Variants in KSR2 observed in about 807,000 individuals in gnomAD.
KSR2 encodes the protein kinase suppressor of ras 2.
A neutral mutation model predicts 107.8 loss-of-function variants in KSR2; 25 were observed. The observed-to-expected ratio is 0.23, with a 90% CI of 0.17 to 0.32. The LOEUF (loss-of-function observed/expected upper bound fraction) is 0.32, where lower values mean the gene tolerates loss of function less well. Among genes scored for constraint, KSR2 ranks in the 10% least tolerant of loss-of-function variants. KSR2 has a pLI of 1.00. For synonymous variants in KSR2, 480 were observed against 507.0 expected, an observed-to-expected ratio of 0.95 and a Z score of 0.71; for missense variants, 887 against 1,268.9, an observed-to-expected ratio of 0.70 and a Z score of 4.57.
chr12:117,769,461 TC>T (rs1185258772), intron 3 of KSR2, among the ~76,000 whole-genome samples: 1 of 152,206 alleles, frequency 6.6e-6, no homozygotes, highest in Non-Finnish European at 1.5e-5. Context: ...GAGTTAATTC[TC>T]CTAAGTCAAC....
intron 4 of KSR2, among the ~76,000 whole-genome samples, chr12:117,704,386 T>C (rs180954138): frequency 1.3e-5 from 2 of 152,270 alleles, no homozygotes; most frequent in African/African-American, 4.8e-5. Flanking sequence ...AGCTTACTTC[T>C]ACAGTCTCTT....
intron 14 of KSR2, among the ~76,000 whole-genome samples, chr12:117,495,982 A>C (rs1038816040): frequency 2.7e-5 from 4 of 150,824 alleles, no homozygotes; most frequent in African/African-American, 9.8e-5. Context: ...TGAACCTGGA[A>C]GGCAGAGGTT....
intron 3 of KSR2, among the ~76,000 whole-genome samples, chr12:117,809,790 A>C (rs777320454): frequency 1.3e-5 from 2 of 152,218 alleles, no homozygotes; most frequent in South Asian, 4.1e-4. Context: ...GCAGGAGCTG[A>C]AAAATAAATA....
intron 1 of KSR2, among the ~76,000 whole-genome samples, chr12:117,916,322 A>G (rs1477436856): frequency 6.6e-6 from 1 of 151,626 alleles, no homozygotes; most frequent in Non-Finnish European, 1.5e-5. Flanking sequence ...TTTTTAGTAG[A>G]GACGGGGTTT....
chr12:117,591,772 G>A (rs2136270191), intron 5 of KSR2, among the ~76,000 whole-genome samples: 1 of 152,066 alleles, frequency 6.6e-6, no homozygotes, highest in East Asian at 1.9e-4. Flanking sequence ...GGGAGGCAGA[G>A]GTGAGCGGAT....
Position 117,539,801 on chromosome 12 carries a change from G to A in KSR2, c.1605C>T (p.Pro535=), listed in dbSNP as rs56143626. The part of the protein sequence containing the change: ...TSSTPSSPAP[P]LPPSATPPSP... Reference sequence around the variant, plus strand: ...AAGGCGGCGTGGCACTAGGAGGGAGGGGGGGTGCTGGCGAGGAGGGCGTGG... The same window carrying A: ...AAGGCGGCGTGGCACTAGGAGGGAGAGGGGGTGCTGGCGAGGAGGGCGTGG... Residue 535 remains proline (P), a synonymous_variant, in exon 10 of 20, where the codon CCC becomes CCT. Transcript: ENST00000339824. 6.2e-7 allele frequency: 1 copy of A among 1,608,396 alleles called. No homozygotes were observed. The highest frequency in any genetic ancestry group is 8.5e-7 in the Non-Finnish European group (1 of 1,178,042).
At chr12:117,837,178 C>T (rs1042621009) in intron 3 of KSR2, among the ~76,000 whole-genome samples, 2 of 152,108 alleles carry the variant, frequency 1.3e-5, no homozygotes, top group Non-Finnish European at 2.9e-5. Context: ...CCAGGGTCTC[C>T]CCTGGCTTCC....
At chr12:117,730,660 C>T (rs575485653) in intron 4 of KSR2, among the ~76,000 whole-genome samples, 6 of 152,318 alleles carry the variant, frequency 3.9e-5, no homozygotes, top group East Asian at 1.9e-4. Context: ...AGGCACGCGC[C>T]GCCACGCCTG....
At chr12:117,891,563 C>T (rs1036506952) in intron 1 of KSR2, among the ~76,000 whole-genome samples, 2 of 152,062 alleles carry the variant, frequency 1.3e-5, no homozygotes, top group African/African-American at 2.4e-5. Flanking sequence ...CAGAATGAGA[C>T]TCCATTTCTA....
chr12:117,483,460 T>C (rs957840579), intron 16 of KSR2, among the ~76,000 whole-genome samples: 4 of 152,058 alleles, frequency 2.6e-5, no homozygotes, highest in African/African-American at 9.7e-5. Context: ...ACTGTGGGGC[T>C]TTCTGGAAAG....
At position 117,861,676 on chromosome 12, in the gene KSR2, C is replaced by T. The variant is rs184614511; in HGVS notation, c.181-1245G>A. Among the ~76,000 whole-genome samples, 1,356 of 151,900 alleles carry T rather than the reference C, an allele frequency of 8.9e-3. 7 individuals carry two copies. Among genetic ancestry groups the T allele is most frequent in the Non-Finnish European group, 0.013 (875 of 67,974 alleles). On this transcript the variant is annotated intron_variant, in intron 1 of 19. Coordinates refer to ENST00000339824, the MANE Select transcript of KSR2 (RefSeq NM_173598.6). ...GTGCTGGGATTACAGGCATGAGCCA[C>T]CGCGCCCAGCCGAGGACTCCCAATT...
chr12:117,536,672 G>A (rs1876076991), intron 10 of KSR2, among the ~76,000 whole-genome samples: 1 of 150,370 alleles, frequency 6.7e-6, no homozygotes, highest in Non-Finnish European at 1.5e-5. Flanking sequence ...AAACATTATG[G>A]ATATCTTTCC....
At chr12:117,637,674 G>GGTTTT (rs1883163572) in intron 5 of KSR2, among the ~76,000 whole-genome samples, 1 of 37,378 alleles carries the variant, frequency 2.7e-5, no homozygotes, top group African/African-American at 1.3e-4. Context: ...GTCAGTTTTG[G>GGTTTT]GTTTTTTTTT....
chr12:117,884,922 G>A (rs185656168), intron 1 of KSR2, among the ~76,000 whole-genome samples: 2 of 152,266 alleles, frequency 1.3e-5, no homozygotes, highest in East Asian at 3.9e-4. Context: ...CATAGCACCT[G>A]CCGTGTAGGA....
chr12:117,655,316 G>A (rs1255555600), intron 5 of KSR2, among the ~76,000 whole-genome samples: 2 of 152,206 alleles, frequency 1.3e-5, no homozygotes, highest in Admixed American at 6.5e-5. Flanking sequence ...ATGGGCTCAT[G>A]CTCATGGAAT....
intron 5 of KSR2, among the ~76,000 whole-genome samples, chr12:117,662,010 T>TA (rs1417267502): frequency 6.6e-6 from 1 of 152,170 alleles, no homozygotes; most frequent in African/African-American, 2.4e-5. Flanking sequence ...AGGTGGTCAG[T>TA]ACCCATTAAA....
At chr12:117,645,868 C>CAT (rs1428347073) in intron 5 of KSR2, among the ~76,000 whole-genome samples, 1 of 142,064 alleles carries the variant, frequency 7.0e-6, no homozygotes, top group Non-Finnish European at 1.5e-5. Context: ...TGTGTATGTG[C>CAT]GTGTGTGTGT....
In KSR2 at chr12:117,743,205, C is replaced by A. The variant is rs915928126; in HGVS notation, c.986+17806G>T. ...TGCCAACTAGAACTCTTCATTACAC[C>A]GTTTAGGTTTTCAGCCCAACTTCCC... On this transcript the variant is annotated intron_variant, in intron 4 of 19. Transcript: ENST00000339824. Among the ~76,000 whole-genome samples the A allele has an allele frequency of 2.3e-4, 35 of 152,196 alleles. 1 individual carries two copies. The highest frequency in any genetic ancestry group is 8.0e-4 in the African/African-American group (33 of 41,450).
intron 12 of KSR2, among the ~76,000 whole-genome samples, chr12:117,528,986 C>T (rs929695986): frequency 1.3e-5 from 2 of 152,212 alleles, no homozygotes; most frequent in African/African-American, 2.4e-5. Flanking sequence ...GAAATGATCT[C>T]GAGCTAGATG....
Sources: gnomAD v4.1 joint callset for allele counts (sites outside exome capture counted in the v4.1 genomes callset) on GRCh38, gnomAD v4.1.1 for gene constraint, MANE v1.5 for transcripts, NCBI Gene and HGNC (gene_info 2026-07-23, HGNC 2026-07-21) for gene names.